MAP2: variants seen among roughly 807,000 people sequenced by gnomAD.
The protein encoded by MAP2 is microtubule-associated protein 2.
MAP2 carries 14 observed loss-of-function variants against 137.6 expected under a neutral mutation model. That is an observed-to-expected ratio of 0.10 (90% CI 0.07 to 0.16). The LOEUF is 0.16. MAP2 is among the 10% of genes least tolerant of loss of function. MAP2 has a pLI of 1.00. For synonymous variants in MAP2, 786 were observed against 782.3 expected (o/e 1.00, Z -0.08); for missense variants, 2,088 against 2,191.5 (o/e 0.95, Z 0.94).
chr2:209,621,818 A>T (rs944730617), intron 3 of MAP2, among the ~76,000 whole-genome samples: 2 of 152,208 alleles, frequency 1.3e-5, no homozygotes, highest in African/African-American at 4.8e-5. Context: ...TAGGTAGCAA[A>T]TAACTTGGAC....
intron 1 of MAP2, among the ~76,000 whole-genome samples, chr2:209,432,881 GTTTAT>G (rs1466918790): frequency 6.6e-6 from 1 of 152,076 alleles, no homozygotes; most frequent in African/African-American, 2.4e-5. Flanking sequence ...ACTCTTCTTA[GTTTAT>G]TTTATTTGGT....
intron 1 of MAP2, among the ~76,000 whole-genome samples, chr2:209,489,723 C>T (rs914050181): frequency 4.6e-5 from 7 of 151,844 alleles, no homozygotes; most frequent in South Asian, 4.2e-4. Context: ...TGAAATAAAG[C>T]GTGAAGACAA....
chr2:209,464,015 A>C (rs1277902667), intron 1 of MAP2, among the ~76,000 whole-genome samples: 2 of 152,130 alleles, frequency 1.3e-5, no homozygotes, highest in Non-Finnish European at 2.9e-5. Flanking sequence ...CAAATATTAC[A>C]GGTGTTCAAA....
At chr2:209,537,955 T>C (rs1194778496) in intron 2 of MAP2, among the ~76,000 whole-genome samples, 1 of 152,202 alleles carries the variant, frequency 6.6e-6, no homozygotes, top group African/African-American at 2.4e-5. Flanking sequence ...CATGTGACTA[T>C]TGCTGATCTT....
chr2:209,495,236 G>A (rs1296151381), intron 1 of MAP2, among the ~76,000 whole-genome samples: 4 of 152,314 alleles, frequency 2.6e-5, no homozygotes, highest in African/African-American at 9.6e-5. Context: ...GCACCTGGGG[G>A]AAGAGGGGGA....
rs567873974 is a variant in MAP2, at chr2:209,535,749, G to A, written c.-172+28108G>A. Among the ~76,000 whole-genome samples the A allele has an allele frequency of 5.3e-5, 8 of 151,498 alleles. No homozygotes were observed. The South Asian group carries it at 1.7e-3, about 32-fold the overall frequency. On this transcript the variant is annotated intron_variant, in intron 2 of 15. Coordinates refer to ENST00000682079, the MANE Select transcript of MAP2 (RefSeq NM_001375505.1). ...ATACTATGTTGTAGGTATTTTTCGAGGTTTATTTTTCAGTTACACCAAATT... is the reference window on the plus strand; with the variant it reads ...ATACTATGTTGTAGGTATTTTTCGAAGTTTATTTTTCAGTTACACCAAATT...
chr2:209,698,447 A>G (rs978910486), intron 10 of MAP2, among the ~76,000 whole-genome samples: 23 of 152,180 alleles, frequency 1.5e-4, no homozygotes, highest in African/African-American at 4.8e-4. Flanking sequence ...TACATCATCA[A>G]TGCCTCTATA....
intron 2 of MAP2, among the ~76,000 whole-genome samples, chr2:209,573,195 A>G (rs1191039444): frequency 6.6e-6 from 1 of 151,994 alleles, no homozygotes; most frequent in Non-Finnish European, 1.5e-5. Context: ...GTCATATTTT[A>G]ATTAGTGGCC....
chr2:209,654,207 C>T (rs79918165), intron 5 of MAP2, among the ~76,000 whole-genome samples: 5,012 of 152,206 alleles, frequency 0.033, 260 homozygotes, highest in African/African-American at 0.11. Context: ...TCAAACACTG[C>T]CTGAACTATT....
At chr2:209,606,066 A>G (rs1035196234) in intron 3 of MAP2, among the ~76,000 whole-genome samples, 1 of 150,994 alleles carries the variant, frequency 6.6e-6, no homozygotes, top group South Asian at 2.1e-4. Flanking sequence ...GACTATGTTC[A>G]CGTTATGATG....
chr2:209,499,514 A>G (rs2060134737), intron 1 of MAP2, among the ~76,000 whole-genome samples: 1 of 152,220 alleles, frequency 6.6e-6, no homozygotes, highest in South Asian at 2.1e-4. Context: ...ATTTCCATGT[A>G]TCTTTATAGC....
chr2:209,501,842 A>C (rs1326915548), intron 1 of MAP2, among the ~76,000 whole-genome samples: 1 of 152,182 alleles, frequency 6.6e-6, no homozygotes, highest in Admixed American at 6.5e-5. Context: ...CGCTCCTGGC[A>C]CTGCAAATGA....
intron 4 of MAP2, among the ~76,000 whole-genome samples, chr2:209,651,327 C>G (rs1403151916): frequency 6.6e-6 from 1 of 152,130 alleles, no homozygotes; most frequent in Non-Finnish European, 1.5e-5. Flanking sequence ...TCCATTCATC[C>G]CTACACAATA....
chr2:209,557,041 G>A (rs1578152795), intron 2 of MAP2, among the ~76,000 whole-genome samples: 1 of 152,290 alleles, frequency 6.6e-6, no homozygotes, highest in East Asian at 1.9e-4. Context: ...GAATATCTAT[G>A]TTAACAGAAG....
intron 4 of MAP2, among the ~76,000 whole-genome samples, chr2:209,652,389 A>G (rs1036434743): frequency 6.6e-6 from 1 of 152,240 alleles, no homozygotes; most frequent in African/African-American, 2.4e-5. Context: ...TAAGATTTAC[A>G]TTAATAGAAA....
At chr2:209,429,111 T>G (rs911789905) in intron 1 of MAP2, among the ~76,000 whole-genome samples, 1 of 151,590 alleles carries the variant, frequency 6.6e-6, no homozygotes, top group African/African-American at 2.4e-5. Flanking sequence ...CCGCCACCGC[T>G]CCCGGCTAAT....
intron 3 of MAP2, among the ~76,000 whole-genome samples, chr2:209,616,453 C>T (rs1013156414): frequency 3.3e-5 from 5 of 152,176 alleles, no homozygotes; most frequent in African/African-American, 1.2e-4. Flanking sequence ...AAATAAACTA[C>T]GTCATTCATT....
At chr2:209,521,270 T>G (rs2063240946) in intron 2 of MAP2, among the ~76,000 whole-genome samples, 1 of 152,068 alleles carries the variant, frequency 6.6e-6, no homozygotes, top group African/African-American at 2.4e-5. Context: ...ATACATGTAC[T>G]TTACAACACA....
At chr2:209,592,104 T>C (rs565363691) in intron 3 of MAP2, among the ~76,000 whole-genome samples, 37 of 152,290 alleles carry the variant, frequency 2.4e-4, no homozygotes, top group African/African-American at 8.9e-4. Context: ...CAACCTAATT[T>C]CTTTCTTCTA....
Sources: gnomAD v4.1 joint callset for allele counts (sites outside exome capture counted in the v4.1 genomes callset) on GRCh38, gnomAD v4.1.1 for gene constraint, MANE v1.5 for transcripts, NCBI Gene and HGNC (gene_info 2026-07-23, HGNC 2026-07-21) for gene names.